MYO5B: variants seen among roughly 807,000 people sequenced by gnomAD.
The protein encoded by MYO5B is myosin VB, also known as unconventional myosin-Vb.
MYO5B carries 143 observed loss-of-function variants against 229.3 expected under a neutral mutation model. That is an observed-to-expected ratio of 0.62 (90% CI 0.54 to 0.72). The LOEUF (loss-of-function observed/expected upper bound fraction) is 0.72, where lower values mean the gene tolerates loss of function less well. MYO5B is among the 30% of genes least tolerant of loss of function. The pLI is 0.00. For synonymous variants in MYO5B, 918 were observed against 885.2 expected (o/e 1.04, Z -0.66); for missense variants, 2,321 against 2,331.0 (o/e 1.00, Z 0.09).
intron 1 of MYO5B, among the ~76,000 whole-genome samples, chr18:50,066,331 A>C (rs1247919012): frequency 6.6e-6 from 1 of 152,090 alleles, no homozygotes; most frequent in African/African-American, 2.4e-5. Flanking sequence ...TCTGCCCCTG[A>C]ATATTCCTTT....
chr18:50,165,735 C>T (rs145456441), intron 1 of MYO5B, among the ~76,000 whole-genome samples: 2,137 of 151,962 alleles, frequency 0.014, 51 homozygotes, highest in African/African-American at 0.049. Context: ...GAGATCGTGG[C>T]ATTGCACTCC....
At chr18:49,865,926 C>G (rs2024390145) in intron 27 of MYO5B, among the ~76,000 whole-genome samples, 1 of 152,174 alleles carries the variant, frequency 6.6e-6, no homozygotes, top group Admixed American at 6.5e-5. Flanking sequence ...ACTGGTCCCC[C>G]ACACATAACC....
At chr18:50,066,211 G>A (rs1458812308) in intron 1 of MYO5B, among the ~76,000 whole-genome samples, 1 of 152,202 alleles carries the variant, frequency 6.6e-6, no homozygotes, top group Non-Finnish European at 1.5e-5. Context: ...GTCTTGCAAT[G>A]TGCATAACCC....
chr18:50,120,192 G>T (rs2032034960), intron 1 of MYO5B, among the ~76,000 whole-genome samples: 1 of 152,208 alleles, frequency 6.6e-6, no homozygotes. Flanking sequence ...CCTTTTGGGG[G>T]CCAGAAGTAT....
chr18:50,011,139 G>A (rs1270197224), intron 4 of MYO5B, among the ~76,000 whole-genome samples: 3 of 152,120 alleles, frequency 2.0e-5, no homozygotes, highest in Non-Finnish European at 4.4e-5. Flanking sequence ...TCAGGAGATC[G>A]AGACCATCCT....
chr18:50,003,346 A>G (rs2026068077), intron 4 of MYO5B, among the ~76,000 whole-genome samples: 1 of 152,232 alleles, frequency 6.6e-6, no homozygotes, highest in Admixed American at 6.5e-5. Flanking sequence ...GGATAGAATT[A>G]CCAGTGTCTC....
chr18:50,153,267 A>G lies in MYO5B; in HGVS notation c.27+41500T>C, dbSNP rs561905164. Among the ~76,000 whole-genome samples the G allele has an allele frequency of 5.3e-5, 8 of 152,332 alleles. No individual in the cohort carries two copies. The East Asian group carries it at 5.8e-4, about 11-fold the overall frequency. Reference sequence around the variant, plus strand: ...AAAATAAGGATGTCTTCTAAAAGGCATAAGACTTCAGTGCTCCAAGTGTTA... The same window carrying G: ...AAAATAAGGATGTCTTCTAAAAGGCGTAAGACTTCAGTGCTCCAAGTGTTA... On this transcript the variant is annotated intron_variant, in intron 1 of 39. Transcript: ENST00000285039.
chr18:50,084,684 C>T (rs1402699036), intron 1 of MYO5B, among the ~76,000 whole-genome samples: 1 of 152,158 alleles, frequency 6.6e-6, no homozygotes, highest in Non-Finnish European at 1.5e-5. Flanking sequence ...CTACAGTAAC[C>T]ACAACAGCAT....
At chr18:50,160,476 C>T (rs2032748899) in intron 1 of MYO5B, among the ~76,000 whole-genome samples, 1 of 152,186 alleles carries the variant, frequency 6.6e-6, no homozygotes, top group African/African-American at 2.4e-5. Flanking sequence ...GCAACATTCT[C>T]CACAAGAACA....
intron 2 of MYO5B, among the ~76,000 whole-genome samples, chr18:50,050,926 C>T (rs563670257): frequency 6.6e-6 from 1 of 152,348 alleles, no homozygotes; most frequent in South Asian, 2.1e-4. Flanking sequence ...GTCCTTGCTT[C>T]TCCACGTGCT....
chr18:50,180,235 G>A (rs1284197233), intron 1 of MYO5B, among the ~76,000 whole-genome samples: 5 of 152,084 alleles, frequency 3.3e-5, no homozygotes, highest in South Asian at 2.1e-4. Context: ...CCACTCTGGC[G>A]CCCACCACAC....
At chr18:50,103,872 TGG>T (rs1321125032) in intron 1 of MYO5B, among the ~76,000 whole-genome samples, 2 of 151,892 alleles carry the variant, frequency 1.3e-5, no homozygotes, top group Non-Finnish European at 2.9e-5. Context: ...CAGTTCCAAA[TGG>T]GTAGGGCAAG....
At chr18:50,097,057 C>A (rs2079067779) in intron 1 of MYO5B, among the ~76,000 whole-genome samples, 1 of 152,228 alleles carries the variant, frequency 6.6e-6, no homozygotes, top group African/African-American at 2.4e-5. Context: ...GAAATGACTT[C>A]ATTTCCCAGG....
At chr18:49,917,883 G>C (rs2025034024) in intron 17 of MYO5B, among the ~76,000 whole-genome samples, 1 of 152,190 alleles carries the variant, frequency 6.6e-6, no homozygotes, top group South Asian at 2.1e-4. Context: ...CCCTGACAGG[G>C]TCAAGGAGTC....
At chr18:50,091,160 C>CTTTT (rs2031439958) in intron 1 of MYO5B, among the ~76,000 whole-genome samples, 1 of 152,178 alleles carries the variant, frequency 6.6e-6, no homozygotes, top group Non-Finnish European at 1.5e-5. Context: ...CACTTGCCAC[C>CTTTT]AGGTCAAAGG....
intron 31 of MYO5B, among the ~76,000 whole-genome samples, chr18:49,852,202 C>T (rs1289322994): frequency 6.6e-6 from 1 of 152,264 alleles, no homozygotes; most frequent in Non-Finnish European, 1.5e-5. Context: ...TGAGCTAACG[C>T]AGTACCTGCA....
chr18:50,010,670 G>T (rs532359723), intron 4 of MYO5B, among the ~76,000 whole-genome samples: 4 of 152,288 alleles, frequency 2.6e-5, no homozygotes, highest in African/African-American at 9.6e-5. Flanking sequence ...GAGCAACAGA[G>T]GCACGTGTTT....
chr18:50,086,220 T>G, intron 1 of MYO5B, among the ~76,000 whole-genome samples: 1 of 152,156 alleles, frequency 6.6e-6, no homozygotes, highest in Middle Eastern at 3.2e-3. Flanking sequence ...AACTTATTAC[T>G]GTTGAGAGTT....
At chr18:49,852,184 G>A (rs996973758) in intron 31 of MYO5B, among the ~76,000 whole-genome samples, 1 of 152,214 alleles carries the variant, frequency 6.6e-6, no homozygotes. Context: ...CCTTGTGTTG[G>A]TGTGCCGTGA....
Sources: allele counts gnomAD v4.1 joint callset (sites outside exome capture counted in the v4.1 genomes callset), GRCh38; gene constraint gnomAD v4.1.1; transcripts MANE v1.5; gene names NCBI Gene and HGNC (gene_info 2026-07-23, HGNC 2026-07-21).